CSMD1: variants seen among roughly 807,000 people sequenced by gnomAD.
The protein encoded by CSMD1 is CUB and sushi domain-containing protein 1.
CSMD1 carries 213 observed loss-of-function variants against 417.5 expected under a neutral mutation model. That is an observed-to-expected ratio of 0.51 (90% CI 0.46 to 0.57). CSMD1 has a LOEUF of 0.57. Ranked by LOEUF, CSMD1 falls within the 20% of genes least tolerant of loss-of-function variation. The pLI is 0.00. For synonymous variants in CSMD1, 2,862 were observed against 1,736.8 expected (o/e 1.65, Z -16.11); for missense variants, 6,923 against 4,529.7 (o/e 1.53, Z -15.17).
chr8:4,496,123 C>T (rs1801964645), intron 2 of CSMD1, among the ~76,000 whole-genome samples: 1 of 152,156 alleles, frequency 6.6e-6, no homozygotes, highest in Non-Finnish European at 1.5e-5. Flanking sequence ...AGAAAAGTAG[C>T]AATGCCTAGT....
At chr8:3,387,721 C>T (rs1475743446) in intron 17 of CSMD1, 39 bp from the exon 18 acceptor site, 4 of 1,524,546 alleles carry the variant, frequency 2.6e-6, no homozygotes, top group Non-Finnish European at 3.6e-6. Context: ...GAGGATCTTT[C>T]TGGTTGATTG....
chr8:3,557,251 T>C (rs552179494), intron 10 of CSMD1, among the ~76,000 whole-genome samples: 17 of 152,228 alleles, frequency 1.1e-4, no homozygotes, highest in Non-Finnish European at 1.5e-4. Flanking sequence ...CCAAATAATA[T>C]GTAGATTTGT....
intron 2 of CSMD1, among the ~76,000 whole-genome samples, chr8:4,594,339 G>A (rs981282312): frequency 1.3e-5 from 2 of 151,724 alleles, no homozygotes; most frequent in South Asian, 2.1e-4. Flanking sequence ...GAGTAGCTGG[G>A]AATACAGGCG....
intron 8 of CSMD1, among the ~76,000 whole-genome samples, chr8:3,597,488 T>A (rs1024194697): frequency 5.3e-5 from 8 of 152,090 alleles, no homozygotes; most frequent in African/African-American, 1.7e-4. Context: ...TAAATAGTTG[T>A]AAATAAAATG....
chr8:4,516,222 C>G (rs145255321), intron 2 of CSMD1, among the ~76,000 whole-genome samples: 2 of 152,060 alleles, frequency 1.3e-5, no homozygotes, highest in East Asian at 1.9e-4. Context: ...GAGGGAAGAC[C>G]ACGTGAGGAC....
At chr8:3,914,932 C>G (rs1480779794) in intron 5 of CSMD1, among the ~76,000 whole-genome samples, 2 of 152,184 alleles carry the variant, frequency 1.3e-5, no homozygotes, top group South Asian at 2.1e-4. Flanking sequence ...GAACTAAACA[C>G]AACAACAACG....
At chr8:4,327,034 G>C (rs138239860) in intron 3 of CSMD1, among the ~76,000 whole-genome samples, 3 of 152,102 alleles carry the variant, frequency 2.0e-5, no homozygotes, top group South Asian at 2.1e-4. Context: ...GAAGGTCAGT[G>C]GTATGGATTC....
rs914581699 is a variant in CSMD1 at position 3,829,810 on chromosome 8, G to C, written c.819-75768C>G. Reference sequence around the variant, plus strand: ...GAATGAGGTTTTCCAACACTTCTTTGGCCACTGAATAAGTTCGTTTTAAGA... The same window carrying C: ...GAATGAGGTTTTCCAACACTTCTTTCGCCACTGAATAAGTTCGTTTTAAGA... On this transcript the variant is annotated intron_variant, in intron 5 of 69. Transcript: ENST00000635120. Among the ~76,000 whole-genome samples, 4 of 152,098 alleles carry C rather than the reference G, an allele frequency of 2.6e-5. No homozygotes were observed. The South Asian group carries it at 8.3e-4, about 32-fold the overall frequency.
At chr8:3,578,006 G>A (rs967304670) in intron 9 of CSMD1, among the ~76,000 whole-genome samples, 5 of 152,090 alleles carry the variant, frequency 3.3e-5, no homozygotes, top group Non-Finnish European at 5.9e-5. Context: ...AGTGTCTGTT[G>A]TCCCCTAGCT....
At chr8:4,335,226 C>A (rs1048859173) in intron 3 of CSMD1, among the ~76,000 whole-genome samples, 2 of 152,040 alleles carry the variant, frequency 1.3e-5, no homozygotes, top group Non-Finnish European at 2.9e-5. Context: ...TCTATGGATA[C>A]TGATCCCATT....
intron 6 of CSMD1, among the ~76,000 whole-genome samples, chr8:3,752,338 A>G (rs2129053373): frequency 6.6e-6 from 1 of 152,280 alleles, no homozygotes; most frequent in South Asian, 2.1e-4. Flanking sequence ...TCTAAGATGG[A>G]CAATGTTCCT....
At chr8:3,050,032 T>A (rs1157182538) in intron 50 of CSMD1, among the ~76,000 whole-genome samples, 1 of 151,684 alleles carries the variant, frequency 6.6e-6, no homozygotes, top group Admixed American at 6.6e-5. Context: ...TCAGATAGTA[T>A]ACAAATTTAA....
chr8:4,202,771 G>C (rs1190829491), intron 3 of CSMD1, among the ~76,000 whole-genome samples: 4 of 152,126 alleles, frequency 2.6e-5, no homozygotes, highest in African/African-American at 4.8e-5. Context: ...GATAGTGATA[G>C]AACAGAGAAT....
At chr8:4,019,902 G>A (rs1002232706) in intron 4 of CSMD1, among the ~76,000 whole-genome samples, 1 of 132,340 alleles carries the variant, frequency 7.6e-6, no homozygotes, top group African/African-American at 2.9e-5. Context: ...CTAAAGAATA[G>A]CAGTAATTCA....
chr8:4,210,392 G>T (rs557455328), intron 3 of CSMD1, among the ~76,000 whole-genome samples: 1 of 152,108 alleles, frequency 6.6e-6, no homozygotes, highest in African/African-American at 2.4e-5. Flanking sequence ...TTCTTCTCAG[G>T]ATTTTATAGT....
At chr8:3,789,914 G>C (rs988791187) in intron 5 of CSMD1, among the ~76,000 whole-genome samples, 7 of 151,938 alleles carry the variant, frequency 4.6e-5, no homozygotes, top group African/African-American at 1.5e-4. Flanking sequence ...TGTATTTTCA[G>C]TAGAGACGGG....
intron 1 of CSMD1, among the ~76,000 whole-genome samples, chr8:4,775,444 G>A (rs577114294): frequency 1.3e-5 from 2 of 152,214 alleles, no homozygotes; most frequent in Non-Finnish European, 2.9e-5. Context: ...TAAAGTCTGT[G>A]CTTATTGACT....
chr8:3,837,415 G>A (rs1222424223), intron 5 of CSMD1, among the ~76,000 whole-genome samples: 1 of 152,094 alleles, frequency 6.6e-6, no homozygotes, highest in Non-Finnish European at 1.5e-5. Flanking sequence ...GATCTCAAAG[G>A]ACTGCCTACG....
chr8:4,618,062 C>T (rs549664867), intron 2 of CSMD1, among the ~76,000 whole-genome samples: 1 of 152,216 alleles, frequency 6.6e-6, no homozygotes, highest in Non-Finnish European at 1.5e-5. Context: ...TGACAGGTCA[C>T]TACCACATCA....
Sources: allele counts gnomAD v4.1 joint callset (sites outside exome capture counted in the v4.1 genomes callset), GRCh38; gene constraint gnomAD v4.1.1; transcripts MANE v1.5; gene names NCBI Gene and HGNC (gene_info 2026-07-23, HGNC 2026-07-21).